Variants in EQTN observed in about 807,000 individuals in gnomAD.
The protein encoded by EQTN is equatorin, also known as Acrosome formation associated factor.
A neutral mutation model predicts 26.9 loss-of-function variants in EQTN; 29 were observed. The observed-to-expected ratio is 1.08, with a 90% CI of 0.80 to 1.47. EQTN has a LOEUF of 1.47. Among genes scored for constraint, EQTN ranks in the 40% most tolerant of loss-of-function variants. The pLI is 0.00. For missense variants in EQTN, 391 were observed against 346.1 expected, an observed-to-expected ratio of 1.13 and a Z score of -1.03; for synonymous variants, 129 against 120.0, an observed-to-expected ratio of 1.07 and a Z score of -0.49.
chr9:27,291,127 A>C (rs1227844268), intron 4 of EQTN, 64 bp from the exon 5 acceptor site: 1 of 1,425,212 alleles, frequency 7.0e-7, no homozygotes, highest in Non-Finnish European at 9.5e-7. Context: ...AAAATAATTT[A>C]GTTTGAGGAA....
At position 27,284,889 on chromosome 9, in the gene EQTN, T is replaced by A. The variant is rs1820085179; in HGVS notation, c.719A>T (p.Asp240Val). 1 of 1,614,160 alleles carries A rather than the reference T, an allele frequency of 6.2e-7. No individual in the cohort carries two copies. The highest frequency in any genetic ancestry group is 1.1e-5 in the South Asian group (1 of 91,084). The change falls in exon 8 of 8, where the codon GAT becomes GTT. Residue 240 changes from aspartate (D) to valine (V), a missense_variant. By Grantham distance (152) the Asp-to-Val change is radical. Transcript: ENST00000380032. Reference protein sequence around the residue: ...SYFHPSEGVSDTSFSKSAESS... With the variant: ...SYFHPSEGVSVTSFSKSAESS... ...CTCTGCACTCTTGGAAAAGGATGTA[T>A]CTGAAACACCTTCTGATGGATGAAA...
chr9:27,296,920 A>G, intron 1 of EQTN, 60 bp downstream of exon 1: 8 of 1,581,960 alleles, frequency 5.1e-6, no homozygotes, highest in Non-Finnish European at 6.8e-6. Flanking sequence ...CCAATTTTTC[A>G]TGATTATGGG....
chr9:27,288,810 T>C lies in EQTN; in HGVS notation c.481+862A>G, dbSNP rs1157934820. Among the ~76,000 whole-genome samples the C allele has an allele frequency of 7.2e-5, 11 of 152,224 alleles. No homozygotes were observed. The South Asian group carries it at 1.2e-3, about 17-fold the overall frequency. The stretch of plus-strand genomic sequence containing the variant: ...TATGACATTCTAGAAAAGGCAAAAC[T>C]ATAGCGATAGTAAAAAGATCAGTGG... On this transcript the variant is annotated intron_variant, in intron 6 of 7. Coordinates refer to ENST00000380032, the MANE Select transcript of EQTN (RefSeq NM_020641.3).
At chr9:27,292,753 C>T (rs891752619) in intron 3 of EQTN, among the ~76,000 whole-genome samples, 12 of 152,102 alleles carry the variant, frequency 7.9e-5, no homozygotes, top group African/African-American at 2.9e-4. Flanking sequence ...CATGCGGCCC[C>T]GGGCTTTCTT....
At position 27,286,284 on chromosome 9, in the gene EQTN, G is replaced by C; in HGVS notation, c.560C>G (p.Ser187Trp). 1.2e-6 allele frequency: 2 copies of C among 1,612,684 alleles called. No homozygotes were observed. The highest frequency in any genetic ancestry group is 2.7e-5 in the African/African-American group (2 of 75,032). Residue 187 changes from serine (S) to tryptophan (W), a missense_variant, in exon 7 of 8, where the codon TCG becomes TGG. Transcript: ENST00000380032. ...CACAAAGAGGAGGAGGGTCATCAACGAGATTCCCAGCATTATTTTGATCTT... is the reference window on the plus strand; with the variant it reads ...CACAAAGAGGAGGAGGGTCATCAACCAGATTCCCAGCATTATTTTGATCTT... ...DLKIKIMLGI[S>W]LMTLLLFVVL...
At chr9:27,286,188 T>C (rs761666740) in intron 7 of EQTN, 21 bp downstream of exon 7, 1 of 1,611,244 alleles carries the variant, frequency 6.2e-7, no homozygotes. Flanking sequence ...TTGTAAAGAC[T>C]GCAGAGGTCT....
At chr9:27,286,122 A>C (rs938951889) in intron 7 of EQTN, 87 bp downstream of exon 7, 1 of 1,327,474 alleles carries the variant, frequency 7.5e-7, no homozygotes, top group Non-Finnish European at 1.1e-6. Flanking sequence ...CAGAGGTCAC[A>C]TATTCCTAAG....
chr9:27,291,242 G>C (rs1820229269), intron 4 of EQTN, among the ~76,000 whole-genome samples, 179 bp from the exon 5 acceptor site: 1 of 152,180 alleles, frequency 6.6e-6, no homozygotes, highest in Non-Finnish European at 1.5e-5. Context: ...AGACATTACA[G>C]TCAAGGAACC....
chr9:27,292,699 G>A (rs1399363776), intron 3 of EQTN, among the ~76,000 whole-genome samples: 1 of 152,146 alleles, frequency 6.6e-6, no homozygotes, highest in Non-Finnish European at 1.5e-5. Flanking sequence ...GGTGTCTGAG[G>A]TGGGATTAAC....
At chr9:27,294,171 C>T (rs1820290639) in intron 3 of EQTN, 145 bp downstream of exon 3, 2 of 509,870 alleles carry the variant, frequency 3.9e-6, no homozygotes, top group Admixed American at 6.8e-5. Flanking sequence ...TAAGCTGGAT[C>T]CCAGTCACAG....
rs1299313605 is a variant in EQTN, at chr9:27,291,007, G to GTATGACTTTACCTTTAGCTAACAT, written c.409_421+11dup. 1 of 1,610,788 alleles carries GTATGACTTTACCTTTAGCTAACAT rather than the reference G, an allele frequency of 6.2e-7. No individual in the cohort carries two copies. On this transcript the variant is annotated intron_variant, in intron 5 of 7. Transcript: ENST00000380032. ...AAAATGTTTCCCAAGCTACCTAGCT[G>GTATGACTTTACCTTTAGCTAACAT]TATGACTTTACCTTTAGCTAACATT...
rs369174594 is a variant in EQTN at position 27,286,192 on chromosome 9, G to A, written c.635+17C>T. The A allele has an allele frequency of 1.4e-4, 228 of 1,611,782 alleles. 1 individual carries two copies. Among genetic ancestry groups the A allele is most frequent in the Non-Finnish European group, 1.8e-4 (208 of 1,178,466 alleles). ...TCATGCATTTGTTGTAAAGACTGCA[G>A]AGGTCTGCAGACTTACCTCAGATGC... On this transcript the variant is annotated intron_variant, in intron 7 of 7. Transcript: ENST00000380032.
intron 6 of EQTN, among the ~76,000 whole-genome samples, chr9:27,289,404 G>GT (rs1421928700): frequency 2.0e-5 from 3 of 152,184 alleles, no homozygotes; most frequent in African/African-American, 4.8e-5. Flanking sequence ...ACTAAGATGT[G>GT]TAAGAGTATT....
At chr9:27,286,800 C>G (rs75951430) in intron 6 of EQTN, among the ~76,000 whole-genome samples, 1,802 of 152,286 alleles carry the variant, frequency 0.012, 43 homozygotes, top group African/African-American at 0.041. Context: ...GGTGCATGCT[C>G]TAGTGCTGCG....
At position 27,293,828 on chromosome 9, in the gene EQTN, T is replaced by C. The variant is rs186912451; in HGVS notation, c.289+488A>G. Among the ~76,000 whole-genome samples the C allele has an allele frequency of 3.0e-3, 457 of 152,340 alleles. 2 individuals carry two copies. The highest frequency in any genetic ancestry group is 0.011 in the African/African-American group (451 of 41,586). On this transcript the variant is annotated intron_variant, in intron 3 of 7. Coordinates refer to ENST00000380032, the MANE Select transcript of EQTN (RefSeq NM_020641.3). Reference sequence around the variant, plus strand: ...GAAATTGCTCAAAATATTCCATTATTATCAAGTAGCTTTGTTAATAATTAG... The same window carrying C: ...GAAATTGCTCAAAATATTCCATTATCATCAAGTAGCTTTGTTAATAATTAG...
At chr9:27,292,649 A>G (rs1274634377) in intron 3 of EQTN, among the ~76,000 whole-genome samples, 162 bp from the exon 4 acceptor site, 1 of 152,210 alleles carries the variant, frequency 6.6e-6, no homozygotes, top group Non-Finnish European at 1.5e-5. Context: ...ATAAAGGAGA[A>G]AGAAGAAGGT....
At chr9:27,295,594 G>A (rs1820318273) in intron 2 of EQTN, among the ~76,000 whole-genome samples, 1 of 152,270 alleles carries the variant, frequency 6.6e-6, no homozygotes, top group Admixed American at 6.5e-5. Context: ...AGCACTTTGG[G>A]AGGCCGAGGC....
At chr9:27,296,812 T>A in intron 1 of EQTN, 74 bp from the exon 2 acceptor site, 1 of 1,574,642 alleles carries the variant, frequency 6.4e-7, no homozygotes, top group South Asian at 1.2e-5. Context: ...TCTAACTGCA[T>A]TTTTTTCACA....
intron 2 of EQTN, among the ~76,000 whole-genome samples, chr9:27,295,232 C>A (rs1027695423): frequency 3.3e-5 from 5 of 152,152 alleles, no homozygotes; most frequent in Non-Finnish European, 7.3e-5. Context: ...ATTAATATTT[C>A]ATCGTTTTTG....
Sources: allele counts gnomAD v4.1 joint callset (sites outside exome capture counted in the v4.1 genomes callset), GRCh38; gene constraint gnomAD v4.1.1; transcripts MANE v1.5; gene names NCBI Gene and HGNC (gene_info 2026-07-23, HGNC 2026-07-21).